The following TNR variants were observed in gnomAD, a reference collection of about 807,000 sequenced individuals.
TNR encodes tenascin-R.
In TNR, 45 loss-of-function variants were observed where a neutral mutation model predicts 150.4. The ratio of observed to expected loss-of-function variants is 0.30; its 90% CI spans 0.24 to 0.38. The LOEUF (loss-of-function observed/expected upper bound fraction) is 0.38, where lower values mean the gene tolerates loss of function less well. Among genes scored for constraint, TNR ranks in the 10% least tolerant of loss-of-function variants. The pLI, the probability that TNR is intolerant of heterozygous loss-of-function variation, is 1.00. For missense variants in TNR, 1,544 were observed against 1,759.1 expected, an observed-to-expected ratio of 0.88 and a Z score of 2.19; for synonymous variants, 687 against 678.4, an observed-to-expected ratio of 1.01 and a Z score of -0.20.
chr1:175,624,939 C>T (rs1455651799), intron 1 of TNR, among the ~76,000 whole-genome samples: 3 of 152,188 alleles, frequency 2.0e-5, no homozygotes, highest in African/African-American at 7.2e-5. Context: ...CTGAGCACCT[C>T]CTGCTTCAGA....
At chr1:175,489,559 C>T (rs1364356108) in intron 2 of TNR, among the ~76,000 whole-genome samples, 1 of 152,186 alleles carries the variant, frequency 6.6e-6, no homozygotes, top group East Asian at 1.9e-4. Context: ...TAACCTTATT[C>T]TCTGCCCTGT....
chr1:175,323,558 A>T, intron 22 of TNR, 82 bp from the exon 23 acceptor site: 1 of 1,565,318 alleles, frequency 6.4e-7, no homozygotes, highest in Non-Finnish European at 8.7e-7. Flanking sequence ...TTATGGGAAC[A>T]GGGAATCCAC....
intron 1 of TNR, among the ~76,000 whole-genome samples, chr1:175,598,993 T>G (rs1309555076): frequency 6.6e-6 from 1 of 152,176 alleles, no homozygotes; most frequent in East Asian, 1.9e-4. Flanking sequence ...TTAAATCGAA[T>G]GCACTCTTAG....
At chr1:175,441,243 G>C (rs1343408497) in intron 2 of TNR, among the ~76,000 whole-genome samples, 1 of 152,084 alleles carries the variant, frequency 6.6e-6, no homozygotes. Context: ...TTTCTTTTCT[G>C]TCTGTCTTGG....
At chr1:175,383,211 C>A (rs923170013) in intron 8 of TNR, among the ~76,000 whole-genome samples, 1 of 152,212 alleles carries the variant, frequency 6.6e-6, no homozygotes, top group Non-Finnish European at 1.5e-5. Flanking sequence ...AACTGATGAT[C>A]TGCAAAAACT....
chr1:175,619,980 A>T (rs1663915545), intron 1 of TNR, among the ~76,000 whole-genome samples: 1 of 152,218 alleles, frequency 6.6e-6, no homozygotes, highest in African/African-American at 2.4e-5. Flanking sequence ...ATAAAATGGG[A>T]TTAATAAAAC....
chr1:175,454,873 T>A (rs1656495494), intron 2 of TNR, among the ~76,000 whole-genome samples: 1 of 152,222 alleles, frequency 6.6e-6, no homozygotes, highest in African/African-American at 2.4e-5. Flanking sequence ...AGCTTTAAAG[T>A]ATGGCTACAA....
intron 1 of TNR, among the ~76,000 whole-genome samples, chr1:175,719,963 T>G (rs1259038589): frequency 1.3e-5 from 2 of 152,234 alleles, no homozygotes; most frequent in African/African-American, 4.8e-5. Context: ...GGCAGGGCAC[T>G]GCCTGCTGCC....
rs768619309 is a variant in TNR at position 175,323,401 on chromosome 1, G to A, written c.4033C>T (p.His1345Tyr). 1.9e-6 allele frequency: 3 copies of A among 1,614,126 alleles called. No homozygotes were observed. Among genetic ancestry groups the A allele is most frequent in the East Asian group, 4.5e-5 (2 of 44,884 alleles). Residue 1345 changes from histidine to tyrosine, a missense_variant, in exon 23 of 23, where the codon CAC (histidine) becomes TAC (tyrosine). Transcript: ENST00000367674. The stretch of plus-strand genomic sequence containing the variant: ...CGTTTTCTCCCTGCCATGAGACGGT[G>A]GTTGTAGGGGCGCATCTTCATTTCC... ...FVEMKMRPYN[H>Y]RLMAGRKRQS...
intron 1 of TNR, among the ~76,000 whole-genome samples, chr1:175,560,987 CT>C (rs1338417439): frequency 1.3e-5 from 2 of 152,136 alleles, no homozygotes; most frequent in African/African-American, 4.8e-5. Context: ...TCTCCTTTCT[CT>C]TCTCATCTTT....
chr1:175,547,431 G>A (rs1288411634), intron 1 of TNR, among the ~76,000 whole-genome samples: 1 of 152,148 alleles, frequency 6.6e-6, no homozygotes, highest in Non-Finnish European at 1.5e-5. Flanking sequence ...ACCCCTGTGT[G>A]CCTTGAGGAG....
At chr1:175,485,711 C>T (rs1268907113) in intron 2 of TNR, among the ~76,000 whole-genome samples, 5 of 152,028 alleles carry the variant, frequency 3.3e-5, no homozygotes, top group African/African-American at 1.2e-4. Flanking sequence ...AAGGAACTGG[C>T]CATGGGAATC....
intron 18 of TNR, among the ~76,000 whole-genome samples, chr1:175,353,243 T>C (rs873932): frequency 0.58 from 88,432 of 152,014 alleles, 26,224 homozygotes; most frequent in East Asian, 0.7. Flanking sequence ...TATGGGATCT[T>C]GGGTGAGTTA....
At chr1:175,378,040 C>A (rs925477999) in intron 9 of TNR, among the ~76,000 whole-genome samples, 1 of 152,168 alleles carries the variant, frequency 6.6e-6, no homozygotes, top group Non-Finnish European at 1.5e-5. Flanking sequence ...ATCATGGTGA[C>A]CGAGGACACT....
At chr1:175,501,670 T>A (rs1312498025) in intron 2 of TNR, among the ~76,000 whole-genome samples, 2 of 152,264 alleles carry the variant, frequency 1.3e-5, no homozygotes, top group Non-Finnish European at 2.9e-5. Context: ...CAGTGGATAT[T>A]TCTTGCCTCC....
At chr1:175,368,150 G>A (rs1651925793) in intron 9 of TNR, among the ~76,000 whole-genome samples, 1 of 152,206 alleles carries the variant, frequency 6.6e-6, no homozygotes, top group Non-Finnish European at 1.5e-5. Context: ...TATTGCTGCT[G>A]TAACACATCA....
intron 2 of TNR, among the ~76,000 whole-genome samples, chr1:175,415,294 T>C (rs1052399088): frequency 6.6e-6 from 1 of 152,220 alleles, no homozygotes; most frequent in Non-Finnish European, 1.5e-5. Context: ...GAGGCAGCGC[T>C]GGGCTGCTGG....
chr1:175,565,006 T>A (rs908740168), intron 1 of TNR, among the ~76,000 whole-genome samples: 1 of 152,250 alleles, frequency 6.6e-6, no homozygotes, highest in Non-Finnish European at 1.5e-5. Context: ...CCCAAGGGAC[T>A]GCCATAAACC....
chr1:175,595,156 G>T (rs140468707), intron 1 of TNR, among the ~76,000 whole-genome samples: 149 of 152,252 alleles, frequency 9.8e-4, no homozygotes, highest in African/African-American at 3.2e-3. Context: ...GACAGAGGGA[G>T]ACTCCATCTC....
Sources: gnomAD v4.1 joint callset for allele counts (sites outside exome capture counted in the v4.1 genomes callset) on GRCh38, gnomAD v4.1.1 for gene constraint, MANE v1.5 for transcripts, NCBI Gene and HGNC (gene_info 2026-07-23, HGNC 2026-07-21) for gene names.